The following CENPP variants were observed in gnomAD, a reference collection of about 807,000 sequenced individuals.
CENPP encodes the protein centromere protein P.
In CENPP, 24 loss-of-function variants were observed where a neutral mutation model predicts 35.6. That is an observed-to-expected ratio of 0.67 (90% confidence interval 0.49 to 0.95). The LOEUF (loss-of-function observed/expected upper bound fraction) is 0.95, where lower values mean the gene tolerates loss of function less well. CENPP is among the 40% of genes least tolerant of loss of function. CENPP has a pLI of 0.00. For missense variants in CENPP, 332 were observed against 345.3 expected (o/e 0.96, Z 0.31); for synonymous variants, 120 against 125.5 (o/e 0.96, Z 0.29).
At chr9:92,436,831 C>CT (rs1429744159) in intron 5 of CENPP, among the ~76,000 whole-genome samples, 2 of 152,122 alleles carry the variant, frequency 1.3e-5, no homozygotes, top group Non-Finnish European at 2.9e-5. Context: ...TCACTATATT[C>CT]TTTTTTCAGA....
intron 5 of CENPP, among the ~76,000 whole-genome samples, chr9:92,449,024 A>G (rs908482247): frequency 2.0e-5 from 3 of 152,214 alleles, no homozygotes; most frequent in Admixed American, 2.0e-4. Flanking sequence ...AGGTGATTTC[A>G]AAGTGAACAG....
At chr9:92,473,999 A>C (rs1228922758) in intron 5 of CENPP, among the ~76,000 whole-genome samples, 1 of 152,246 alleles carries the variant, frequency 6.6e-6, no homozygotes, top group East Asian at 1.9e-4. Context: ...AGCTGAAGGC[A>C]ACAACTCTTG....
At chr9:92,378,471 C>A (rs1842172161) in intron 4 of CENPP, among the ~76,000 whole-genome samples, 1 of 152,158 alleles carries the variant, frequency 6.6e-6, no homozygotes, top group African/African-American at 2.4e-5. Flanking sequence ...CTAAGGAATT[C>A]TTTTCCAGGT....
intron 5 of CENPP, chr9:92,386,363 A>T (rs1349009915): frequency 1.2e-5 from 11 of 906,976 alleles, no homozygotes; most frequent in Non-Finnish European, 1.9e-5. Flanking sequence ...TTCAAGCAAT[A>T]TATATGTGCA....
chr9:92,534,548 GT>G (rs1482146085), intron 5 of CENPP, among the ~76,000 whole-genome samples: 4 of 152,234 alleles, frequency 2.6e-5, no homozygotes, highest in Admixed American at 1.3e-4. Context: ...TATTTCATAG[GT>G]TACTGGAACA....
intron 1 of CENPP, among the ~76,000 whole-genome samples, chr9:92,327,462 G>A (rs1204372606): frequency 1.3e-5 from 2 of 152,182 alleles, no homozygotes; most frequent in Non-Finnish European, 2.9e-5. Flanking sequence ...GTTATAGGAG[G>A]GGCTATGAAT....
intron 5 of CENPP, among the ~76,000 whole-genome samples, chr9:92,574,064 C>T (rs918769412): frequency 6.6e-6 from 1 of 152,142 alleles, no homozygotes; most frequent in African/African-American, 2.4e-5. Context: ...GGCGATGCCC[C>T]ACCCTGCTGC....
chr9:92,403,503 C>T, intron 5 of CENPP: 4 of 1,477,668 alleles, frequency 2.7e-6, no homozygotes, highest in South Asian at 3.0e-5. Flanking sequence ...AAATTCAGAC[C>T]ATCGAAGCAA....
intron 5 of CENPP, chr9:92,495,442 G>T (rs1846300790): frequency 1.0e-6 from 1 of 985,188 alleles, no homozygotes; most frequent in Non-Finnish European, 1.2e-6. Context: ...TAGATGCTAT[G>T]ACCAGTGGTG....
At chr9:92,453,569 A>C (rs78306359) in intron 5 of CENPP, among the ~76,000 whole-genome samples, 13 of 152,132 alleles carry the variant, frequency 8.5e-5, no homozygotes, top group Non-Finnish European at 1.6e-4. Context: ...AAAAAAAAGT[A>C]TATTCTGTTG....
chr9:92,423,446 T>G (rs1843874043), intron 5 of CENPP, among the ~76,000 whole-genome samples: 1 of 152,166 alleles, frequency 6.6e-6, no homozygotes, highest in Non-Finnish European at 1.5e-5. Context: ...CCTCAACATT[T>G]TATTATGTTA....
chr9:92,586,440 G>A (rs910880518), intron 5 of CENPP, among the ~76,000 whole-genome samples: 2 of 152,142 alleles, frequency 1.3e-5, no homozygotes, highest in East Asian at 3.9e-4. Flanking sequence ...ACCCTCGAAG[G>A]AGGAGGCTGG....
chr9:92,596,100 C>T (rs921379845), intron 5 of CENPP, among the ~76,000 whole-genome samples: 2 of 151,944 alleles, frequency 1.3e-5, no homozygotes, highest in East Asian at 3.9e-4. Context: ...CTGCCAAAAC[C>T]TTTCTAAAAT....
intron 5 of CENPP, among the ~76,000 whole-genome samples, chr9:92,607,201 GTTTTT>G (rs898866488): frequency 7.0e-6 from 1 of 141,984 alleles, no homozygotes; most frequent in African/African-American, 2.5e-5. Flanking sequence ...ATTGAAGTTT[GTTTTT>G]TTTATCATGT....
chr9:92,549,602 G>A (rs1002648598), intron 5 of CENPP, among the ~76,000 whole-genome samples: 3 of 149,988 alleles, frequency 2.0e-5, no homozygotes, highest in East Asian at 2.0e-4. Context: ...AGCCAAGATC[G>A]CGCCACTGCA....
chr9:92,430,419 T>G lies in CENPP; in HGVS notation c.564+50560T>G, dbSNP rs375358760. 4.6e-5 allele frequency among the ~76,000 whole-genome samples: 7 copies of G among 151,924 alleles called. No homozygotes were observed. In the South Asian group the frequency reaches 1.5e-3, roughly 32 times the overall value. ...TTATGTCATTGGGTTTATCCATCTC[T>G]TCTCTCTCTTTTTTTTTTTTTAAGA... is the stretch of plus-strand genomic sequence containing the variant. On this transcript the variant is annotated intron_variant, in intron 5 of 7. Transcript: ENST00000375587.
chr9:92,608,632 C>G (rs1162275445), intron 5 of CENPP, among the ~76,000 whole-genome samples: 3 of 152,210 alleles, frequency 2.0e-5, no homozygotes. Context: ...CCCATCCTTT[C>G]TATTTCAAGT....
intron 5 of CENPP, among the ~76,000 whole-genome samples, chr9:92,428,397 A>T: frequency 6.6e-6 from 1 of 152,168 alleles, no homozygotes; most frequent in East Asian, 1.9e-4. Flanking sequence ...AGATCTACAA[A>T]ATCAGAACCT....
intron 5 of CENPP, among the ~76,000 whole-genome samples, chr9:92,509,431 G>A (rs970891193): frequency 6.6e-6 from 1 of 152,196 alleles, no homozygotes; most frequent in Admixed American, 6.5e-5. Context: ...CATGATAAAT[G>A]AAAATAGCAA....
Sources: allele counts gnomAD v4.1 joint callset (sites outside exome capture counted in the v4.1 genomes callset), GRCh38; gene constraint gnomAD v4.1.1; transcripts MANE v1.5; gene names NCBI Gene and HGNC (gene_info 2026-07-23, HGNC 2026-07-21).